TLE2: variants seen among roughly 807,000 people sequenced by gnomAD.
TLE2 encodes transducin-like enhancer protein 2.
TLE2 carries 74 observed loss-of-function variants against 97.2 expected under a neutral mutation model. That is an observed-to-expected ratio of 0.76 (90% CI 0.63 to 0.92). TLE2 has a LOEUF of 0.92. Ranked by LOEUF, TLE2 falls within the 40% of genes least tolerant of loss-of-function variation. The pLI is 0.00. For synonymous variants in TLE2, 499 were observed against 432.1 expected, an observed-to-expected ratio of 1.15 and a Z score of -1.92; for missense variants, 1,038 against 1,008.7, an observed-to-expected ratio of 1.03 and a Z score of -0.39.
At chr19:3,042,758 C>T (rs2145235994) in intron 1 of TLE2, among the ~76,000 whole-genome samples, 1 of 152,258 alleles carries the variant, frequency 6.6e-6, no homozygotes, top group East Asian at 1.9e-4. Flanking sequence ...TCTCATTAAG[C>T]ACCAAACAGT....
At chr19:2,998,601 A>G (rs1226669706) in intron 19 of TLE2, among the ~76,000 whole-genome samples, 1 of 151,892 alleles carries the variant, frequency 6.6e-6, no homozygotes, top group Non-Finnish European at 1.5e-5. Context: ...TTTAGTAGAG[A>G]CTGGGTTTCC....
In TLE2 at chr19:3,028,923, C is replaced by A. The variant is rs778632769; in HGVS notation, c.-19G>T. The stretch of plus-strand genomic sequence containing the variant: ...GGTACATCCTGCCGATCCGAAAAGC[C>A]CCCCAGGCGCCACCAGAGCTTGATG... On this transcript the variant is annotated 5_prime_UTR_variant, in exon 1 of 20. Transcript: ENST00000262953. The A allele has an allele frequency of 6.2e-7, 1 of 1,608,818 alleles. No homozygotes were observed. The highest frequency in any genetic ancestry group is 2.2e-5 in the East Asian group (1 of 44,824).
rs1440940241 is a variant in TLE2, at chr19:3,014,596, T to C, written c.697A>G (p.Ser233Gly). The C allele has an allele frequency of 1.3e-6, 2 of 1,590,546 alleles. No homozygotes were observed. Among genetic ancestry groups the C allele is most frequent in the Non-Finnish European group, 1.7e-6 (2 of 1,168,168 alleles). ...SGPYESDEDKSDYNLVVDEDQ... is the reference protein window; with the variant it reads ...SGPYESDEDKGDYNLVVDEDQ... ...TCGTCCACCACCAGATTGTAATCACTCTTGTCTTCGTCGCTTTCCTGGGGG... is the reference window on the plus strand; with the variant it reads ...TCGTCCACCACCAGATTGTAATCACCCTTGTCTTCGTCGCTTTCCTGGGGG... The change falls in exon 10 of 20, where the codon AGT (serine) becomes GGT (glycine). Residue 233 changes from serine (S) to glycine (G), a missense_variant. Coordinates refer to ENST00000262953, the MANE Select transcript of TLE2 (RefSeq NM_003260.5).
At chr19:2,999,738 A>AC (rs1209622629) in intron 19 of TLE2, among the ~76,000 whole-genome samples, 1 of 71,884 alleles carries the variant, frequency 1.4e-5, no homozygotes, top group Non-Finnish European at 2.5e-5. Context: ...AAAAAAAAAA[A>AC]AGAAAGAAAA....
intron 1 of TLE2, among the ~76,000 whole-genome samples, chr19:3,035,497 C>T (rs971652119): frequency 3.9e-5 from 6 of 151,976 alleles, no homozygotes; most frequent in Non-Finnish European, 8.8e-5. Context: ...GCCCCTGGTT[C>T]CTGGCTAGGG....
chr19:3,009,755 C>T lies in TLE2; in HGVS notation c.1013-53G>A, dbSNP rs73919251. 2.4e-3 allele frequency: 3,665 copies of T among 1,545,624 alleles called. 86 individuals carry two copies. In the African/African-American group the frequency reaches 0.045, roughly 19 times the overall value. ...TTGACGCCCTGGACCCAGATCCCGC[C>T]TCCCACTGCCTTGGGAGCTCCCTGG... On this transcript the variant is annotated intron_variant, in intron 12 of 19. Coordinates refer to ENST00000262953, the MANE Select transcript of TLE2 (RefSeq NM_003260.5).
Position 3,005,788 on chromosome 19 carries a change from C to A in TLE2, c.1681G>T (p.Val561Phe). The part of the protein sequence containing the change: ...YALAVSPDAK[V>F]CFSCCSDGNI... Reference sequence around the variant, plus strand: ...CCATCGCTGCAGCAGGAGAAGCAAACCTTGGCGTCGGGGCTGACGGCCAGG... The same window carrying A: ...CCATCGCTGCAGCAGGAGAAGCAAAACTTGGCGTCGGGGCTGACGGCCAGG... Residue 561 changes from valine (V) to phenylalanine (F), a missense_variant, in exon 16 of 20, where the codon GTT becomes TTT. Physicochemically the swap from Val to Phe is conservative, Grantham distance 50. Transcript: ENST00000262953. The A allele has an allele frequency of 6.2e-7, 1 of 1,613,986 alleles. No homozygotes were observed. The highest frequency in any genetic ancestry group is 8.5e-7 in the Non-Finnish European group (1 of 1,179,866).
intron 8 of TLE2, among the ~76,000 whole-genome samples, chr19:3,016,606 A>C (rs905774179): frequency 1.4e-5 from 2 of 147,188 alleles, no homozygotes; most frequent in Non-Finnish European, 3.0e-5. Flanking sequence ...AAAAAAAAAA[A>C]ATTAAACCAT....
chr19:3,008,923 TG>T lies in TLE2; in HGVS notation c.1195del (p.His399IlefsTer42). ...GGAAGAGACGGATGACCCTCGGAGA[TG>T]GGGATGAGACTCAAATGCCATCTGT... ...SPVMAFESHP[H>X]LRGSSVSSSL... On this transcript the variant is annotated frameshift_variant, in exon 14 of 20. Transcript: ENST00000262953. LOFTEE classifies it high-confidence loss of function. 1 of 1,593,548 alleles carries T rather than the reference TG, an allele frequency of 6.3e-7. No individual in the cohort carries two copies. Among genetic ancestry groups the T allele is most frequent in the Non-Finnish European group, 8.5e-7 (1 of 1,170,236 alleles).
Position 3,009,576 on chromosome 19 carries a change from A to T in TLE2, c.1139T>A (p.Val380Asp), listed in dbSNP as rs761525233. ...SYVSLHLSPQ[V>D]SSSVVYGRSP... is the part of the protein sequence containing the mutation. ...GCGTCCGTACACCACAGAGCTGCTG[A>T]CCTGGGGGGACAGGTGGAGGCTGAC... The change falls in exon 13 of 20, where the codon GTC (valine) becomes GAC (aspartate). Residue 380 changes from valine to aspartate, a missense_variant. Transcript: ENST00000262953. 1.9e-6 allele frequency: 3 copies of T among 1,613,228 alleles called. No homozygotes were observed. Among genetic ancestry groups the T allele is most frequent in the Non-Finnish European group, 2.5e-6 (3 of 1,179,622 alleles).
intron 3 of TLE2, 61 bp from the exon 4 acceptor site, chr19:3,027,934 G>C: frequency 2.0e-6 from 3 of 1,510,548 alleles, no homozygotes; most frequent in South Asian, 1.2e-5. Flanking sequence ...CCTCCAGATA[G>C]GTGATGCCAG....
At chr19:3,017,271 G>A (rs1228120333) in intron 8 of TLE2, among the ~76,000 whole-genome samples, 2 of 151,752 alleles carry the variant, frequency 1.3e-5, no homozygotes, top group South Asian at 2.1e-4. Context: ...CCGAGTAGCT[G>A]GGATTACAGG....
intron 8 of TLE2, among the ~76,000 whole-genome samples, chr19:3,016,839 C>A (rs938103458): frequency 1.3e-5 from 2 of 151,074 alleles, no homozygotes; most frequent in South Asian, 2.1e-4. Flanking sequence ...AGTGCAGTGG[C>A]GCAATCTCGG....
chr19:3,021,188 C>T (rs1395410709), intron 5 of TLE2, among the ~76,000 whole-genome samples: 2 of 148,534 alleles, frequency 1.3e-5, no homozygotes, highest in African/African-American at 2.5e-5. Flanking sequence ...AGGTGGATCA[C>T]GAGATCAGGA....
chr19:3,010,579 G>A (rs1423177394), intron 12 of TLE2, among the ~76,000 whole-genome samples: 1 of 152,080 alleles, frequency 6.6e-6, no homozygotes, highest in Non-Finnish European at 1.5e-5. Flanking sequence ...TCCAAGGCCA[G>A]CTTCTTTCAG....
At chr19:3,027,586 A>G (rs1363192551) in intron 4 of TLE2, among the ~76,000 whole-genome samples, 2 of 152,148 alleles carry the variant, frequency 1.3e-5, no homozygotes, top group Admixed American at 6.5e-5. Context: ...CACTGCCTGC[A>G]TCTCTGCTGG....
Position 3,025,078 on chromosome 19 carries a change from T to C in TLE2, c.236A>G (p.Glu79Gly). 3 of 1,601,148 alleles carry C rather than the reference T, an allele frequency of 1.9e-6. No homozygotes were observed. The highest frequency in any genetic ancestry group is 2.6e-6 in the Non-Finnish European group (3 of 1,174,028). ...GLNIEMHKQA[E>G]IVKRLSGICA... ...GATACCGCTCAGACGCTTCACAATCTCCGCCTGGCAGGAAGCAATGAGAGG... is the reference window on the plus strand; with the variant it reads ...GATACCGCTCAGACGCTTCACAATCCCCGCCTGGCAGGAAGCAATGAGAGG... The change falls in exon 5 of 20, where the codon GAG (glutamate) becomes GGG (glycine). Residue 79 changes from glutamate to glycine, a missense_variant. Glu to Gly is a moderately conservative substitution (Grantham distance 98). Transcript: ENST00000262953.
At chr19:3,007,419 T>C (rs993417032) in intron 14 of TLE2, among the ~76,000 whole-genome samples, 1 of 152,162 alleles carries the variant, frequency 6.6e-6, no homozygotes, top group African/African-American at 2.4e-5. Context: ...TAATTTTCTC[T>C]GTTATTATTT....
chr19:3,032,986 TG>T (rs2090037184), upstream of TLE2, among the ~76,000 whole-genome samples: 3 of 151,066 alleles, frequency 2.0e-5, no homozygotes, highest in Admixed American at 6.6e-5. The surrounding 1 kb of genome is among the most constrained non-coding windows in gnomAD (Gnocchi z 4.1). Context: ...CAGGCTGGAG[TG>T]CAGTGGCACG....
Sources: gnomAD v4.1 joint callset for allele counts (sites outside exome capture counted in the v4.1 genomes callset) on GRCh38, gnomAD v4.1.1 for gene constraint, Gnocchi (gnomAD v3.1) non-coding constraint, MANE v1.5 for transcripts, NCBI Gene and HGNC (gene_info 2026-07-23, HGNC 2026-07-21) for gene names.